CDC16: variants seen among roughly 807,000 people sequenced by gnomAD.
CDC16 encodes the protein cell division cycle protein 16 homolog.
Under a neutral mutation model 87.0 loss-of-function variants are expected in CDC16, and 34 were observed. The ratio of observed to expected loss-of-function variants is 0.39; its 90% confidence interval spans 0.30 to 0.52. The LOEUF is 0.52. CDC16 is among the 20% of genes least tolerant of loss of function. The pLI, the probability that CDC16 is intolerant of heterozygous loss-of-function variation, is 0.74. For synonymous variants in CDC16, 263 were observed against 260.6 expected (o/e 1.01, Z -0.09); for missense variants, 653 against 751.9 (o/e 0.87, Z 1.54).
At chr13:114,267,020 C>T (rs771816608) in intron 17 of CDC16, among the ~76,000 whole-genome samples, 26 of 152,024 alleles carry the variant, frequency 1.7e-4, no homozygotes, top group Admixed American at 4.6e-4. Flanking sequence ...TTACAGGGGG[C>T]TGTGATGTCT....
chr13:114,270,373 A>G (rs1212455781), intron 17 of CDC16, among the ~76,000 whole-genome samples: 1 of 152,194 alleles, frequency 6.6e-6, no homozygotes, highest in African/African-American at 2.4e-5. Flanking sequence ...ACCATTCAGG[A>G]GAAACCACCC....
chr13:114,260,995 T>C (rs1259345275), intron 14 of CDC16, among the ~76,000 whole-genome samples: 1 of 152,114 alleles, frequency 6.6e-6, no homozygotes, highest in Non-Finnish European at 1.5e-5. Context: ...AGTACGTAAA[T>C]TGACAGTGAA....
At chr13:114,246,127 A>G (rs1294887402) in intron 10 of CDC16, 78 bp downstream of exon 10, 4 of 640,506 alleles carry the variant, frequency 6.2e-6, no homozygotes, top group Non-Finnish European at 1.1e-5. Context: ...GTATTTAGAC[A>G]ATAGCTTAAG....
At chr13:114,270,975 G>A (rs1238301330) in intron 17 of CDC16, among the ~76,000 whole-genome samples, 4 of 140,180 alleles carry the variant, frequency 2.9e-5, no homozygotes, top group African/African-American at 1.1e-4. Flanking sequence ...AGGCTGGAGT[G>A]CAGTGGTGCA....
At chr13:114,242,058 G>GAA (rs58418458) in intron 5 of CDC16, 63 bp from the exon 6 acceptor site, 732 of 1,193,980 alleles carry the variant, frequency 6.1e-4, no homozygotes, top group Non-Finnish European at 7.1e-4. Flanking sequence ...CCTCTAAGGA[G>GAA]AAAAAAAAAA....
intron 13 of CDC16, among the ~76,000 whole-genome samples, chr13:114,257,772 TCA>T (rs1357987810): frequency 6.6e-6 from 1 of 152,112 alleles, no homozygotes; most frequent in Non-Finnish European, 1.5e-5. Context: ...TAAATTAGTT[TCA>T]GTTTTTTTTG....
intron 8 of CDC16, among the ~76,000 whole-genome samples, chr13:114,244,232 GATAA>G (rs563373928): frequency 4.5e-4 from 69 of 152,280 alleles, no homozygotes; most frequent in African/African-American, 1.6e-3. Context: ...TACTGATCTT[GATAA>G]TTTGCAAGTT....
chr13:114,247,114 T>G, intron 11 of CDC16, 110 bp downstream of exon 11: 1 of 692,534 alleles, frequency 1.4e-6, no homozygotes, highest in African/African-American at 1.8e-5. Context: ...AAAGAATAAA[T>G]GTTTTTTTTT....
intron 17 of CDC16, among the ~76,000 whole-genome samples, chr13:114,269,255 C>T (rs74116860): frequency 0.024 from 3,721 of 152,180 alleles, 159 homozygotes; most frequent in African/African-American, 0.085. Context: ...CACGATGTTC[C>T]CAGGGTTCTA....
Position 114,238,945 on chromosome 13 carries a change from C to G in CDC16, c.202-45C>G. The G allele has an allele frequency of 2.5e-6, 4 of 1,575,252 alleles. No individual in the cohort carries two copies. In the East Asian group the frequency reaches 6.8e-5, roughly 27 times the overall value. On this transcript the variant is annotated intron_variant, in intron 3 of 17. Transcript: ENST00000356221. Reference sequence around the variant, plus strand: ...ATGGCTTTCTTTGAAAGTGAAGATACATATTATTTTGACCACTACTTAAAC... The same window carrying G: ...ATGGCTTTCTTTGAAAGTGAAGATAGATATTATTTTGACCACTACTTAAAC...
rs17337779 is a variant in CDC16, at chr13:114,236,957, C to G, written c.201+61C>G. On this transcript the variant is annotated intron_variant, in intron 3 of 17. Transcript: ENST00000356221. ...CTTTAAAAAAAATGTCATTAGTGGC[C>G]GGGCGCGGTGGCTTACACCTGTAAT... 4 of 1,129,290 alleles carry G rather than the reference C, an allele frequency of 3.5e-6. No homozygotes were observed. In the East Asian group the frequency reaches 7.5e-5, roughly 21 times the overall value. 70.0% of individuals were successfully genotyped at this position (1,129,290 alleles called of 1,614,324 possible).
intron 12 of CDC16, among the ~76,000 whole-genome samples, chr13:114,256,261 G>C (rs377468261): frequency 7.4e-4 from 113 of 152,270 alleles, no homozygotes; most frequent in Non-Finnish European, 1.3e-3. Context: ...TTGCTTCTAT[G>C]GATGAATAGA....
At position 114,235,014 on chromosome 13, in the gene CDC16, G is replaced by T; in HGVS notation, c.-71G>T. On this transcript the variant is annotated 5_prime_UTR_variant, in exon 1 of 18. Coordinates refer to ENST00000356221, the MANE Select transcript of CDC16 (RefSeq NM_001078645.3). ...CTGCAGGCACGGGCACGGGCACGGG[G>T]CGGGGTGCTTAGGGTGCAGGAGGCG... 1 of 1,178,002 alleles carries T rather than the reference G, an allele frequency of 8.5e-7. No homozygotes were observed. 73.0% of individuals were successfully genotyped at this position (1,178,002 alleles called of 1,614,324 possible).
At position 114,235,188 on chromosome 13, in the gene CDC16, G is replaced by A. The variant is rs1014813529; in HGVS notation, c.48+56G>A. ...CAGGCCTCGCCGGGTCTTTTTCCGCGCGGCGTGGGGCTGGGGTGACTGTTG... is the reference window on the plus strand; with the variant it reads ...CAGGCCTCGCCGGGTCTTTTTCCGCACGGCGTGGGGCTGGGGTGACTGTTG... On this transcript the variant is annotated intron_variant, in intron 1 of 17. Transcript: ENST00000356221. The A allele has an allele frequency of 3.5e-6, 4 of 1,151,722 alleles. No homozygotes were observed. In the African/African-American group the frequency reaches 6.4e-5, roughly 18 times the overall value. The allele number at this position is 1,151,722 out of a possible 1,614,324, so 71.3% of individuals were successfully genotyped here.
At chr13:114,266,725 G>A (rs895524230) in intron 17 of CDC16, among the ~76,000 whole-genome samples, 2 of 150,022 alleles carry the variant, frequency 1.3e-5, no homozygotes, top group East Asian at 2.0e-4. Flanking sequence ...ACGGAGTCTC[G>A]CTCTGTCGCC....
intron 6 of CDC16, 146 bp downstream of exon 6, chr13:114,242,426 G>A: frequency 5.6e-6 from 4 of 714,942 alleles, no homozygotes; most frequent in Non-Finnish European, 6.9e-6. Flanking sequence ...CAAATGTAAA[G>A]CACGTTGCAG....
intron 5 of CDC16, among the ~76,000 whole-genome samples, 161 bp from the exon 6 acceptor site, chr13:114,241,960 G>T (rs1012261164): frequency 2.0e-5 from 3 of 152,126 alleles, no homozygotes; most frequent in Non-Finnish European, 4.4e-5. Context: ...TGAGGCAGGA[G>T]GGTCATTTGA....
rs1594583630 is a variant in CDC16 at position 114,246,068 on chromosome 13, A to G, written c.897+19A>G. ...TAATCCTGTAAGTAATATAACTTTTAGTCTTAGTTTTTTTTTTTTTACCTG... is the reference window on the plus strand; with the variant it reads ...TAATCCTGTAAGTAATATAACTTTTGGTCTTAGTTTTTTTTTTTTTACCTG... On this transcript the variant is annotated intron_variant, in intron 10 of 17. Coordinates refer to ENST00000356221, the MANE Select transcript of CDC16 (RefSeq NM_001078645.3). 4 of 1,234,038 alleles carry G rather than the reference A, an allele frequency of 3.2e-6. No homozygotes were observed. The highest frequency in any genetic ancestry group is 3.4e-6 in the Non-Finnish European group (3 of 878,864). 76.4% of individuals were successfully genotyped at this position (1,234,038 alleles called of 1,614,324 possible).
chr13:114,272,361 C>G lies in CDC16; in HGVS notation c.1781C>G (p.Pro594Arg), dbSNP rs1234861684. ...ETSRKTPDSR[P>R]SLEETFEIEM... is the part of the protein sequence containing the mutation. ...TCAAGGAAAACTCCAGATTCCAGAC[C>G]TTCCTTGGAAGAAACCTTTGAAATT... The change falls in exon 18 of 18, where the codon CCT becomes CGT. Residue 594 changes from proline (P) to arginine (R), a missense_variant. Transcript: ENST00000356221. The G allele has an allele frequency of 1.2e-6, 2 of 1,613,904 alleles. No homozygotes were observed. The highest frequency in any genetic ancestry group is 1.7e-5 in the Admixed American group (1 of 60,028).
Sources: gnomAD v4.1 joint callset for allele counts (sites outside exome capture counted in the v4.1 genomes callset) on GRCh38, gnomAD v4.1.1 for gene constraint, MANE v1.5 for transcripts, NCBI Gene and HGNC (gene_info 2026-07-23, HGNC 2026-07-21) for gene names.